Variants in FNDC3B observed in about 807,000 individuals in gnomAD.
The protein encoded by FNDC3B is fibronectin type III domain containing 3B.
A neutral mutation model predicts 151.5 loss-of-function variants in FNDC3B; 12 were observed. The ratio of observed to expected loss-of-function variants is 0.08; its 90% CI spans 0.05 to 0.13. The LOEUF (loss-of-function observed/expected upper bound fraction) is 0.13. Ranked by LOEUF, FNDC3B falls within the 10% of genes least tolerant of loss-of-function variation. FNDC3B has a pLI of 1.00. For missense variants in FNDC3B, 1,214 were observed against 1,505.3 expected (o/e 0.81, Z 3.20); for synonymous variants, 528 against 549.0 (o/e 0.96, Z 0.54).
chr3:172,115,201 T>A (rs1421599690), intron 2 of FNDC3B, among the ~76,000 whole-genome samples: 1 of 152,180 alleles, frequency 6.6e-6, no homozygotes, highest in Non-Finnish European at 1.5e-5. Flanking sequence ...GTTCTTTCCT[T>A]TGGGTTCTAA....
At chr3:172,206,039 A>G (rs1274269416) in intron 3 of FNDC3B, among the ~76,000 whole-genome samples, 8 of 152,180 alleles carry the variant, frequency 5.3e-5, no homozygotes. Context: ...CTTTATGATG[A>G]TGGATTGAGC....
chr3:172,391,154 C>T (rs937175889), intron 25 of FNDC3B, among the ~76,000 whole-genome samples: 4 of 152,316 alleles, frequency 2.6e-5, no homozygotes, highest in African/African-American at 9.6e-5. Flanking sequence ...AAGAAATTAA[C>T]AGCCTCTCTG....
intron 9 of FNDC3B, among the ~76,000 whole-genome samples, chr3:172,300,467 T>TA (rs1730849299): frequency 6.6e-6 from 1 of 151,102 alleles, no homozygotes; most frequent in African/African-American, 2.5e-5. Flanking sequence ...TCCATTTATT[T>TA]TTTTTTTAAA....
chr3:172,155,010 G>C (rs946454165), intron 3 of FNDC3B, among the ~76,000 whole-genome samples: 6 of 151,960 alleles, frequency 3.9e-5, no homozygotes, highest in African/African-American at 9.7e-5. Context: ...CTAGGTGTGA[G>C]GTCACTGGGG....
chr3:172,182,438 C>A (rs1247315295), intron 3 of FNDC3B, among the ~76,000 whole-genome samples: 1 of 152,158 alleles, frequency 6.6e-6, no homozygotes, highest in Non-Finnish European at 1.5e-5. Flanking sequence ...TGGGGTCTTC[C>A]TGATGTGTAA....
At chr3:172,292,542 A>T (rs1427483574) in intron 7 of FNDC3B, among the ~76,000 whole-genome samples, 1 of 152,242 alleles carries the variant, frequency 6.6e-6, no homozygotes, top group African/African-American at 2.4e-5. Flanking sequence ...ATGTGACTTC[A>T]TGGATATTTG....
intron 6 of FNDC3B, among the ~76,000 whole-genome samples, chr3:172,260,559 T>TC (rs1315889828): frequency 6.6e-6 from 1 of 152,240 alleles, no homozygotes; most frequent in African/African-American, 2.4e-5. Context: ...TGAGATTTTT[T>TC]CCTTGTGAGA....
At chr3:172,137,029 T>G (rs1486681033) in intron 3 of FNDC3B, among the ~76,000 whole-genome samples, 1 of 152,076 alleles carries the variant, frequency 6.6e-6, no homozygotes, top group Non-Finnish European at 1.5e-5. Flanking sequence ...GAGGGGAAGG[T>G]GATGGGTGGT....
intron 25 of FNDC3B, among the ~76,000 whole-genome samples, chr3:172,384,629 A>G (rs1032532658): frequency 6.6e-6 from 1 of 152,188 alleles, no homozygotes; most frequent in Non-Finnish European, 1.5e-5. Context: ...CTGTTCTTGG[A>G]AAAATGTTCT....
chr3:172,158,507 A>T (rs536682675), intron 3 of FNDC3B, among the ~76,000 whole-genome samples: 1 of 150,334 alleles, frequency 6.7e-6, no homozygotes, highest in South Asian at 2.1e-4. Context: ...GATTGTTTGA[A>T]TTTTTTTTTT....
intron 2 of FNDC3B, among the ~76,000 whole-genome samples, chr3:172,120,899 G>A (rs1295420503): frequency 6.6e-6 from 1 of 151,998 alleles, no homozygotes; most frequent in Non-Finnish European, 1.5e-5. Context: ...AGGAGGCGGA[G>A]GTTGCAGTGA....
intron 1 of FNDC3B, among the ~76,000 whole-genome samples, chr3:172,066,944 CAA>C (rs1717528295): frequency 6.6e-6 from 1 of 152,150 alleles, no homozygotes; most frequent in African/African-American, 2.4e-5. Flanking sequence ...CAGACATATA[CAA>C]TACTCTCTTT....
intron 1 of FNDC3B, among the ~76,000 whole-genome samples, chr3:172,111,065 C>T (rs1003010424): frequency 2.8e-5 from 4 of 145,024 alleles, no homozygotes; most frequent in Non-Finnish European, 4.5e-5. Flanking sequence ...TGCCACTGCA[C>T]TCCAGCCTGG....
chr3:172,129,291 C>T (rs1290069145), intron 2 of FNDC3B, among the ~76,000 whole-genome samples: 3 of 152,124 alleles, frequency 2.0e-5, no homozygotes, highest in Non-Finnish European at 4.4e-5. Flanking sequence ...TTTTGATGGA[C>T]TGATCCATTA....
intron 4 of FNDC3B, among the ~76,000 whole-genome samples, chr3:172,234,876 G>A (rs937954159): frequency 6.6e-6 from 1 of 152,076 alleles, no homozygotes; most frequent in Non-Finnish European, 1.5e-5. Flanking sequence ...AAGGTTAGAT[G>A]AATTTTATAT....
intron 6 of FNDC3B, among the ~76,000 whole-genome samples, chr3:172,255,818 G>A (rs1728308051): frequency 6.6e-6 from 1 of 152,104 alleles, no homozygotes; most frequent in Non-Finnish European, 1.5e-5. Context: ...CTCGTCCTAG[G>A]GCACTTCCAG....
intron 6 of FNDC3B, among the ~76,000 whole-genome samples, chr3:172,260,844 T>G (rs1728609785): frequency 6.6e-6 from 1 of 152,180 alleles, no homozygotes; most frequent in South Asian, 2.1e-4. Flanking sequence ...GAATTCTCTG[T>G]GTGAGCCCAC....
At chr3:172,254,846 T>A (rs1728252340) in intron 6 of FNDC3B, among the ~76,000 whole-genome samples, 1 of 152,222 alleles carries the variant, frequency 6.6e-6, no homozygotes, top group African/African-American at 2.4e-5. Flanking sequence ...CATATAGTAC[T>A]TGGCTTAGAA....
chr3:172,289,515 C>A (rs1274585959), intron 7 of FNDC3B, among the ~76,000 whole-genome samples: 2 of 152,204 alleles, frequency 1.3e-5, no homozygotes, highest in Non-Finnish European at 2.9e-5. Flanking sequence ...CTGAGACAGT[C>A]CACTGTTTCT....
Sources: gnomAD v4.1 joint callset for allele counts (sites outside exome capture counted in the v4.1 genomes callset) on GRCh38, gnomAD v4.1.1 for gene constraint, MANE v1.5 for transcripts, NCBI Gene and HGNC (gene_info 2026-07-23, HGNC 2026-07-21) for gene names.